Variants in PDLIM5 observed in about 807,000 individuals in gnomAD.
PDLIM5 encodes the protein PDZ and LIM domain 5.
PDLIM5 carries 34 observed loss-of-function variants against 64.2 expected under a neutral mutation model. The observed-to-expected ratio is 0.53, with a 90% CI of 0.40 to 0.71. The LOEUF (loss-of-function observed/expected upper bound fraction) is 0.71. Ranked by LOEUF, PDLIM5 falls within the 30% of genes least tolerant of loss-of-function variation. The probability of loss-of-function intolerance (pLI) is 0.00; values close to 1 mark genes in which losing one functional copy is unlikely to be tolerated. For missense variants in PDLIM5, 683 were observed against 733.6 expected (o/e 0.93, Z 0.80); for synonymous variants, 253 against 269.1 (o/e 0.94, Z 0.59).
rs114805539 is a variant in PDLIM5 at position 94,484,840 on chromosome 4, A to G, written c.96+29456A>G. On this transcript the variant is annotated intron_variant, in intron 2 of 12. Transcript: ENST00000317968. The stretch of plus-strand genomic sequence containing the variant: ...CTATCATAGAGAATAATAGAGTACC[A>G]TGGGAGTTTTGAGGAGAGTAGTTAC... Among the ~76,000 whole-genome samples, 463 of 152,330 alleles carry G rather than the reference A, an allele frequency of 3.0e-3. 2 individuals are homozygous for G. The highest frequency in any genetic ancestry group is 0.011 in the African/African-American group (441 of 41,574).
chr4:94,614,070 C>T (rs558655471), intron 7 of PDLIM5, among the ~76,000 whole-genome samples: 1 of 146,956 alleles, frequency 6.8e-6, no homozygotes, highest in Non-Finnish European at 1.5e-5. Context: ...TCAAGTGATT[C>T]TCCTGCCTCA....
chr4:94,596,021 A>C (rs1316673515), intron 7 of PDLIM5, among the ~76,000 whole-genome samples: 1 of 152,184 alleles, frequency 6.6e-6, no homozygotes, highest in Non-Finnish European at 1.5e-5. Flanking sequence ...TTGATCTTTG[A>C]TTTTCTGCTG....
intron 2 of PDLIM5, among the ~76,000 whole-genome samples, chr4:94,512,211 G>A (rs950145878): frequency 2.6e-5 from 4 of 151,964 alleles, no homozygotes; most frequent in African/African-American, 7.3e-5. Context: ...AGTAGAGACG[G>A]GGTTTCACCA....
chr4:94,574,905 A>G lies in PDLIM5; in HGVS notation c.292-711A>G, dbSNP rs564743601. On this transcript the variant is annotated intron_variant, in intron 4 of 12. Coordinates refer to ENST00000317968, the MANE Select transcript of PDLIM5 (RefSeq NM_006457.5). ...TGGAAAAGGAAAAGAATTTTATTCT[A>G]TCTCTGAATCATATCTTAAAACATT... is the stretch of plus-strand genomic sequence containing the variant. 3.9e-5 allele frequency among the ~76,000 whole-genome samples: 6 copies of G among 152,062 alleles called. No homozygotes were observed. In the South Asian group the frequency reaches 8.3e-4, roughly 21 times the overall value.
At chr4:94,584,953 T>G (rs1736038325) in intron 5 of PDLIM5, 2 of 1,472,414 alleles carry the variant, frequency 1.4e-6, no homozygotes, top group Non-Finnish European at 1.9e-6. Context: ...GTTGGAAATC[T>G]TTCTTCTGCT....
chr4:94,486,721 G>A (rs1168260096), intron 2 of PDLIM5, among the ~76,000 whole-genome samples: 2 of 152,154 alleles, frequency 1.3e-5, no homozygotes, highest in South Asian at 2.1e-4. Flanking sequence ...AACAGATTAG[G>A]CCAGGTGCAA....
chr4:94,602,254 A>G (rs1258240871), intron 7 of PDLIM5, among the ~76,000 whole-genome samples: 1 of 152,342 alleles, frequency 6.6e-6, no homozygotes, highest in East Asian at 1.9e-4. Context: ...CAGAAATAGG[A>G]AGCATTTAAA....
intron 8 of PDLIM5, among the ~76,000 whole-genome samples, chr4:94,639,963 G>A (rs1030476911): frequency 6.6e-6 from 1 of 151,886 alleles, no homozygotes; most frequent in Non-Finnish European, 1.5e-5. Context: ...GGAGGCGGAG[G>A]ATGCAGTGAG....
rs1028744344 is a variant in PDLIM5 at position 94,643,172 on chromosome 4, G to A, written c.1283+2722G>A. Reference sequence around the variant, plus strand: ...TAGAGCACATTCAGTTTAAAATTCCGTAATCTTATTTGGATCTAAAGTTTA... The same window carrying A: ...TAGAGCACATTCAGTTTAAAATTCCATAATCTTATTTGGATCTAAAGTTTA... On this transcript the variant is annotated intron_variant, in intron 9 of 12. Coordinates refer to ENST00000317968, the MANE Select transcript of PDLIM5 (RefSeq NM_006457.5). 5.9e-5 allele frequency among the ~76,000 whole-genome samples: 9 copies of A among 152,026 alleles called. No individual in the cohort carries two copies. The South Asian group carries it at 6.2e-4, about 11-fold the overall frequency.
intron 3 of PDLIM5, among the ~76,000 whole-genome samples, chr4:94,537,868 C>G (rs1180385295): frequency 2.0e-5 from 3 of 152,120 alleles, no homozygotes; most frequent in Non-Finnish European, 2.9e-5. Context: ...TTTTTAAGTA[C>G]AGAAATTTTA....
At position 94,578,601 on chromosome 4, in the gene PDLIM5, A is replaced by C. The variant is rs563548293; in HGVS notation, c.710+2567A>C. Among the ~76,000 whole-genome samples, 5 of 152,264 alleles carry C rather than the reference A, an allele frequency of 3.3e-5. No individual in the cohort carries two copies. The East Asian group carries it at 9.6e-4, about 29-fold the overall frequency. On this transcript the variant is annotated intron_variant, in intron 5 of 12. Coordinates refer to ENST00000317968, the MANE Select transcript of PDLIM5 (RefSeq NM_006457.5). The stretch of plus-strand genomic sequence containing the variant: ...TTCACGATATTTAGACTGAGAAATA[A>C]AAATAAATTACACACTTTACTAGTC...
chr4:94,623,704 G>T (rs974314597), intron 8 of PDLIM5, among the ~76,000 whole-genome samples: 2 of 152,070 alleles, frequency 1.3e-5, no homozygotes, highest in South Asian at 2.1e-4. Flanking sequence ...GAAGTCAGTT[G>T]TCTTATTTAG....
intron 8 of PDLIM5, among the ~76,000 whole-genome samples, chr4:94,636,482 A>G (rs1740572970): frequency 1.3e-5 from 2 of 148,378 alleles, no homozygotes. Flanking sequence ...TTTTTTCATC[A>G]TTTATTTGTA....
chr4:94,486,002 C>T (rs769773410), intron 2 of PDLIM5, among the ~76,000 whole-genome samples: 2 of 152,062 alleles, frequency 1.3e-5, no homozygotes, highest in Non-Finnish European at 2.9e-5. Flanking sequence ...GCCCCCCTCA[C>T]GATCAGGAAG....
chr4:94,508,472 G>T (rs544029011), intron 2 of PDLIM5, among the ~76,000 whole-genome samples: 1 of 152,266 alleles, frequency 6.6e-6, no homozygotes, highest in South Asian at 2.1e-4. Flanking sequence ...GATGGGCCTT[G>T]GTTTTGAAAG....
intron 7 of PDLIM5, among the ~76,000 whole-genome samples, chr4:94,591,861 G>A (rs1427872475): frequency 1.3e-5 from 2 of 152,212 alleles, no homozygotes; most frequent in Non-Finnish European, 2.9e-5. Context: ...AACCTGATCT[G>A]CAAAAGAATC....
chr4:94,467,104 G>A (rs1724432868), intron 2 of PDLIM5, among the ~76,000 whole-genome samples: 1 of 152,134 alleles, frequency 6.6e-6, no homozygotes, highest in South Asian at 2.1e-4. Flanking sequence ...AATAGTTCAT[G>A]TATTTTGTTA....
chr4:94,587,556 T>A, intron 7 of PDLIM5: 1 of 930,510 alleles, frequency 1.1e-6, no homozygotes, highest in African/African-American at 1.8e-5. Flanking sequence ...TCTAAATAAG[T>A]AAATATAAGG....
In PDLIM5 at chr4:94,666,014, T is replaced by C; in HGVS notation, c.*1947T>C. The C allele has an allele frequency of 1.5e-5, 23 of 1,534,326 alleles. No individual in the cohort carries two copies. Among genetic ancestry groups the C allele is most frequent in the Non-Finnish European group, 2.0e-5 (23 of 1,145,996 alleles). Reference sequence around the variant, plus strand: ...TCTGGTATTTGATTTGGTTTTTCTCTTTGTTTCCAGAATGGATGAAAGTCC... The same window carrying C: ...TCTGGTATTTGATTTGGTTTTTCTCCTTGTTTCCAGAATGGATGAAAGTCC... On this transcript the variant is annotated 3_prime_UTR_variant, in exon 13 of 13. Coordinates refer to ENST00000317968, the MANE Select transcript of PDLIM5 (RefSeq NM_006457.5).
Sources: gnomAD v4.1 joint callset for allele counts (sites outside exome capture counted in the v4.1 genomes callset) on GRCh38, gnomAD v4.1.1 for gene constraint, MANE v1.5 for transcripts, NCBI Gene and HGNC (gene_info 2026-07-23, HGNC 2026-07-21) for gene names.